The following IFI44 variants were observed in gnomAD, a reference collection of about 807,000 sequenced individuals.
IFI44 encodes interferon-induced protein 44.
Under a neutral mutation model 45.0 loss-of-function variants are expected in IFI44, and 42 were observed. That is an observed-to-expected ratio of 0.93 (90% CI 0.73 to 1.21). The LOEUF (loss-of-function observed/expected upper bound fraction) is 1.21, where lower values mean the gene tolerates loss of function less well. Among genes scored for constraint, IFI44 ranks in the 50% most tolerant of loss-of-function variants. The pLI is 0.00. For synonymous variants in IFI44, 221 were observed against 188.6 expected (o/e 1.17, Z -1.41); for missense variants, 623 against 525.8 (o/e 1.18, Z -1.81).
intron 5 of IFI44, among the ~76,000 whole-genome samples, chr1:78,656,086 G>C (rs529646255): frequency 6.6e-6 from 1 of 152,252 alleles, no homozygotes; most frequent in East Asian, 1.9e-4. Context: ...ACCAGGAAGA[G>C]GACCGTGACT....
chr1:78,661,685 A>G (rs1647466661), intron 7 of IFI44, among the ~76,000 whole-genome samples: 2 of 152,200 alleles, frequency 1.3e-5, no homozygotes, highest in African/African-American at 4.8e-5. Context: ...TGTGATAAAT[A>G]TAATGAAACA....
At chr1:78,655,650 A>T in intron 5 of IFI44, 139 bp downstream of exon 5, 2 of 726,582 alleles carry the variant, frequency 2.8e-6, no homozygotes, top group Non-Finnish European at 4.3e-6. Flanking sequence ...AAAAAGAATA[A>T]AAACATCTCG....
At chr1:78,650,755 T>C (rs1647111761) in intron 2 of IFI44, 103 bp downstream of exon 2, 4 of 735,130 alleles carry the variant, frequency 5.4e-6, no homozygotes, top group Admixed American at 3.0e-5. Flanking sequence ...CACTTGTCAA[T>C]AATTTGGATG....
chr1:78,654,401 C>A, intron 3 of IFI44, 122 bp downstream of exon 3: 1 of 569,372 alleles, frequency 1.8e-6, no homozygotes, highest in South Asian at 2.4e-5. Flanking sequence ...TCATCAAGAA[C>A]AAACTGTATT....
Position 78,662,181 on chromosome 1 carries a change from T to C in IFI44, c.1114-523T>C, listed in dbSNP as rs540177570. Among the ~76,000 whole-genome samples, 244 of 152,326 alleles carry C rather than the reference T, an allele frequency of 1.6e-3. 1 individual carries two copies. Among genetic ancestry groups the C allele is most frequent in the African/African-American group, 5.7e-3 (236 of 41,578 alleles). ...TATTTGTTGAGCACTAAGTATGTGATAGATTTTCTTAATCAGTCCTTATAA... is the reference window on the plus strand; with the variant it reads ...TATTTGTTGAGCACTAAGTATGTGACAGATTTTCTTAATCAGTCCTTATAA... On this transcript the variant is annotated intron_variant, in intron 7 of 8. Coordinates refer to ENST00000370747, the MANE Select transcript of IFI44 (RefSeq NM_006417.5).
chr1:78,662,886 G>A lies in IFI44; in HGVS notation c.1288+8G>A. On this transcript the variant is annotated splice_region_variant and intron_variant, in intron 8 of 8. Coordinates refer to ENST00000370747, the MANE Select transcript of IFI44 (RefSeq NM_006417.5). ...TGCCTTTTGAGCAAATAGGTAGATG[G>A]TTTGGTGGTGTGGAAGCTTGGAAGC... 1.3e-6 allele frequency: 2 copies of A among 1,500,862 alleles called. No homozygotes were observed. The highest frequency in any genetic ancestry group is 1.8e-6 in the Non-Finnish European group (2 of 1,127,968). The allele number at this position is 1,500,862 out of a possible 1,614,324, so 93.0% of individuals were successfully genotyped here. A position where few individuals can be genotyped will look rare whatever the true frequency, so the allele number is the denominator to read the frequency against.
At chr1:78,657,096 T>G (rs948165512) in intron 5 of IFI44, among the ~76,000 whole-genome samples, 1 of 151,892 alleles carries the variant, frequency 6.6e-6, no homozygotes, top group African/African-American at 2.4e-5. Context: ...AATAGGAGCA[T>G]ATATATATTT....
In IFI44 at chr1:78,660,600, G is replaced by A. The variant is rs764197000; in HGVS notation, c.1059G>A (p.Leu353=). 4 of 1,613,794 alleles carry A rather than the reference G, an allele frequency of 2.5e-6. No individual in the cohort carries two copies. The highest frequency in any genetic ancestry group is 3.4e-6 in the Non-Finnish European group (4 of 1,179,794). ...ALLTHVDSMD[L]ITKGDLIEIE... ...TCACTCATGTGGATAGCATGGATTT[G>A]ATTACAAAAGGTGACCTTATAGAAA... Residue 353 remains leucine (L), a synonymous_variant, in exon 7 of 9, where the codon TTG becomes TTA. Transcript: ENST00000370747.
Position 78,663,839 on chromosome 1 carries a change from T to G in IFI44, c.*28T>G. ...ATGTGAAAGGTTCACGTAAATTTCCTCACATCACAGAAGATTAAAATTCAG... is the reference window on the plus strand; with the variant it reads ...ATGTGAAAGGTTCACGTAAATTTCCGCACATCACAGAAGATTAAAATTCAG... On this transcript the variant is annotated 3_prime_UTR_variant, in exon 9 of 9. Transcript: ENST00000370747. The G allele has an allele frequency of 1.2e-6, 2 of 1,605,988 alleles. No individual in the cohort carries two copies. Among genetic ancestry groups the G allele is most frequent in the Non-Finnish European group, 1.7e-6 (2 of 1,175,372 alleles).
rs368799637 is a variant in IFI44, at chr1:78,659,447, A to G, written c.976A>G (p.Lys326Glu). The part of the protein sequence containing the change: ...IQYFSSQMIV[K>E]IKRIRRELVN... ...ATACTTCTCCTCTCAGATGATAGTA[A>G]AGATCAAAAGAATTCGAAGGGAGTT... Residue 326 changes from lysine (K) to glutamate (E), a missense_variant, in exon 6 of 9, where the codon AAG becomes GAG. Physicochemically the swap from Lys to Glu is moderately conservative, Grantham distance 56. Transcript: ENST00000370747. The G allele has an allele frequency of 1.5e-5, 24 of 1,613,168 alleles. No individual in the cohort carries two copies. In the African/African-American group the frequency reaches 2.5e-4, roughly 17 times the overall value.
At chr1:78,655,582 T>A in intron 5 of IFI44, 71 bp downstream of exon 5, 1 of 1,329,678 alleles carries the variant, frequency 7.5e-7, no homozygotes, top group Non-Finnish European at 1.0e-6. Context: ...GTATCAGCGT[T>A]TATCTTCTTA....
chr1:78,655,294 A>G, intron 4 of IFI44, 68 bp from the exon 5 acceptor site: 2 of 1,558,362 alleles, frequency 1.3e-6, no homozygotes, highest in South Asian at 2.4e-5. Context: ...CAACTTTATT[A>G]CATATAGACT....
intron 7 of IFI44, among the ~76,000 whole-genome samples, chr1:78,661,285 A>G (rs1191701368): frequency 1.3e-5 from 2 of 152,006 alleles, no homozygotes; most frequent in Non-Finnish European, 2.9e-5. Context: ...GCTGGTCTCA[A>G]ACTCCTGACC....
At chr1:78,659,841 T>C (rs1389395662) in intron 6 of IFI44, among the ~76,000 whole-genome samples, 1 of 152,164 alleles carries the variant, frequency 6.6e-6, no homozygotes, top group Non-Finnish European at 1.5e-5. Context: ...TATTGGGCCT[T>C]GAGCTTTAAG....
At chr1:78,659,200 A>T in intron 5 of IFI44, 112 bp from the exon 6 acceptor site, 1 of 829,032 alleles carries the variant, frequency 1.2e-6, no homozygotes, top group Non-Finnish European at 1.9e-6. Flanking sequence ...TCATACTATT[A>T]GAGACTTTTC....
Position 78,655,467 on chromosome 1 carries a change from G to A in IFI44, c.796G>A (p.Asp266Asn). Residue 266 changes from aspartate to asparagine, a missense_variant, in exon 5 of 9, where the codon GAC (aspartate) becomes AAC (asparagine). Transcript: ENST00000370747. ...GAAAGAAGGCGGCCTGTGCAGGGAT[G>A]ACATATTCTATATCTTGAACGGTAA... ...SEKEGGLCRDDIFYILNGNIR... is the reference protein window; with the variant it reads ...SEKEGGLCRDNIFYILNGNIR... 1.2e-6 allele frequency: 2 copies of A among 1,613,790 alleles called. No individual in the cohort carries two copies. Among genetic ancestry groups the A allele is most frequent in the African/African-American group, 1.3e-5 (1 of 75,044 alleles).
chr1:78,660,679 C>T (rs769973882), intron 7 of IFI44, 25 bp downstream of exon 7: 1 of 1,436,856 alleles, frequency 7.0e-7, no homozygotes, highest in Non-Finnish European at 9.8e-7. Flanking sequence ...CCTTCGTAAA[C>T]ACATTTTCTG....
At chr1:78,657,797 G>A (rs1647254713) in intron 5 of IFI44, among the ~76,000 whole-genome samples, 1 of 152,102 alleles carries the variant, frequency 6.6e-6, no homozygotes, top group Admixed American at 6.5e-5. Flanking sequence ...AACTCAATAT[G>A]AATTGAACAT....
intron 8 of IFI44, 83 bp downstream of exon 8, chr1:78,662,961 C>T: frequency 6.2e-7 from 1 of 1,607,558 alleles, no homozygotes; most frequent in African/African-American, 1.3e-5. Context: ...TACCTGGCAG[C>T]TCTCTGTCTT....
Sources: allele counts gnomAD v4.1 joint callset (sites outside exome capture counted in the v4.1 genomes callset), GRCh38; gene constraint gnomAD v4.1.1; transcripts MANE v1.5; gene names NCBI Gene and HGNC (gene_info 2026-07-23, HGNC 2026-07-21).